MBD5: variants seen among roughly 807,000 people sequenced by gnomAD.
MBD5 encodes the protein methyl-CpG binding domain protein 5, also known as methyl-CpG-binding domain protein 5.
MBD5 carries 13 observed loss-of-function variants against 117.3 expected under a neutral mutation model. The observed-to-expected ratio is 0.11, with a 90% confidence interval of 0.07 to 0.18. The LOEUF (loss-of-function observed/expected upper bound fraction) is 0.18. Ranked by LOEUF, MBD5 falls within the 10% of genes least tolerant of loss-of-function variation. The pLI is 1.00. For synonymous variants in MBD5, 727 were observed against 766.4 expected (o/e 0.95, Z 0.85); for missense variants, 1,879 against 2,093.8 (o/e 0.90, Z 2.00).
intron 1 of MBD5, among the ~76,000 whole-genome samples, chr2:148,073,062 G>C (rs554121782): frequency 7.1e-4 from 108 of 152,010 alleles, no homozygotes; most frequent in African/African-American, 2.4e-3. Flanking sequence ...AACTGGCTGA[G>C]AATCCTTAGA....
chr2:148,064,263 C>G (rs1466999674), intron 1 of MBD5, among the ~76,000 whole-genome samples: 1 of 151,750 alleles, frequency 6.6e-6, no homozygotes, highest in Non-Finnish European at 1.5e-5. Flanking sequence ...CCACAGGTGC[C>G]CGCCACCACG....
intron 8 of MBD5, among the ~76,000 whole-genome samples, chr2:148,473,284 C>G (rs968173861): frequency 6.6e-6 from 1 of 152,020 alleles, no homozygotes; most frequent in Non-Finnish European, 1.5e-5. Flanking sequence ...ATTTGGTGAC[C>G]TTTCTTTTAA....
intron 3 of MBD5, among the ~76,000 whole-genome samples, chr2:148,331,305 C>A (rs765764038): frequency 1.8e-4 from 27 of 151,912 alleles, no homozygotes; most frequent in Non-Finnish European, 3.5e-4. Flanking sequence ...TCAAGACTTA[C>A]AACAGCAGTC....
At chr2:148,079,660 C>T (rs1055769281) in intron 1 of MBD5, among the ~76,000 whole-genome samples, 23 of 151,850 alleles carry the variant, frequency 1.5e-4, no homozygotes, top group Non-Finnish European at 2.8e-4. Context: ...AGTTTGAGAC[C>T]AGCCTGACCA....
intron 4 of MBD5, among the ~76,000 whole-genome samples, chr2:148,355,639 ATATC>A (rs1703363058): frequency 6.6e-6 from 1 of 152,050 alleles, no homozygotes; most frequent in Admixed American, 6.6e-5. Context: ...ATTGGTCTAT[ATATC>A]TGTTTTGGTA....
chr2:148,279,122 G>A (rs2106373391), intron 3 of MBD5, among the ~76,000 whole-genome samples: 1 of 152,104 alleles, frequency 6.6e-6, no homozygotes, highest in East Asian at 1.9e-4. Flanking sequence ...CACTGGGGCA[G>A]CCTAGTCATT....
chr2:148,136,548 G>C (rs1406460638), intron 1 of MBD5, among the ~76,000 whole-genome samples: 1 of 152,068 alleles, frequency 6.6e-6, no homozygotes, highest in Non-Finnish European at 1.5e-5. Context: ...AAAAATCTTT[G>C]GTCATATAGC....
intron 1 of MBD5, among the ~76,000 whole-genome samples, chr2:148,077,872 T>C (rs1695544319): frequency 6.6e-6 from 1 of 152,264 alleles, no homozygotes; most frequent in East Asian, 1.9e-4. Context: ...TACTCTCATA[T>C]TGACCATCAG....
chr2:148,036,318 G>A (rs1363366684), intron 1 of MBD5, among the ~76,000 whole-genome samples: 1 of 152,094 alleles, frequency 6.6e-6, no homozygotes, highest in East Asian at 1.9e-4. Flanking sequence ...TCCTTATTGA[G>A]AATTCAAACA....
intron 3 of MBD5, among the ~76,000 whole-genome samples, chr2:148,241,484 C>T (rs1170035931): frequency 6.6e-6 from 1 of 152,110 alleles, no homozygotes; most frequent in Non-Finnish European, 1.5e-5. Flanking sequence ...CCAGCTGTTA[C>T]TTTCCACTGG....
intron 4 of MBD5, among the ~76,000 whole-genome samples, chr2:148,392,021 T>C (rs1704583863): frequency 6.6e-6 from 1 of 152,204 alleles, no homozygotes; most frequent in South Asian, 2.1e-4. Context: ...AGCACATATG[T>C]AAATTTTTGT....
chr2:148,091,512 C>T (rs1695943109), intron 1 of MBD5, among the ~76,000 whole-genome samples: 1 of 152,114 alleles, frequency 6.6e-6, no homozygotes, highest in African/African-American at 2.4e-5. Context: ...CATATGCTTA[C>T]AGCCAACTGA....
intron 13 of MBD5, among the ~76,000 whole-genome samples, chr2:148,510,380 A>C (rs186718628): frequency 2.6e-5 from 4 of 152,388 alleles, no homozygotes; most frequent in Admixed American, 2.6e-4. Flanking sequence ...TTCGTTTAAA[A>C]TATGAGCAGC....
chr2:148,205,515 GGC>G (rs1305934497), intron 2 of MBD5, among the ~76,000 whole-genome samples: 1 of 152,110 alleles, frequency 6.6e-6, no homozygotes, highest in Non-Finnish European at 1.5e-5. Context: ...AAAGAAAAAG[GGC>G]AGAGTAATAG....
intron 3 of MBD5, among the ~76,000 whole-genome samples, chr2:148,282,058 TTTTTTTC>T (rs1298452240): frequency 6.6e-6 from 1 of 152,180 alleles, no homozygotes; most frequent in African/African-American, 2.4e-5. Flanking sequence ...AGTATCTTGA[TTTTTTTC>T]TTTACTATAT....
intron 4 of MBD5, chr2:148,346,849 G>C (rs1415321868): frequency 6.7e-6 from 1 of 149,706 alleles, no homozygotes; most frequent in Non-Finnish European, 1.5e-5. Context: ...CATGGCTTTT[G>C]GGTTTTGATG....
At chr2:148,155,596 C>T (rs977944667) in intron 1 of MBD5, among the ~76,000 whole-genome samples, 1 of 152,200 alleles carries the variant, frequency 6.6e-6, no homozygotes, top group African/African-American at 2.4e-5. Context: ...ATCCTTGATA[C>T]TTTTGCCTTC....
At chr2:148,122,783 T>C (rs914643521) in intron 1 of MBD5, among the ~76,000 whole-genome samples, 1 of 152,186 alleles carries the variant, frequency 6.6e-6, no homozygotes, top group African/African-American at 2.4e-5. Context: ...CGAATAATTA[T>C]GTTAAATGCA....
chr2:148,316,333 T>C (rs1179485656), intron 3 of MBD5, among the ~76,000 whole-genome samples: 3 of 152,228 alleles, frequency 2.0e-5, no homozygotes, highest in Admixed American at 6.5e-5. Flanking sequence ...ATATTCTTGA[T>C]ATTTGTATGA....
Sources: gnomAD v4.1 joint callset for allele counts (sites outside exome capture counted in the v4.1 genomes callset) on GRCh38, gnomAD v4.1.1 for gene constraint, MANE v1.5 for transcripts, NCBI Gene and HGNC (gene_info 2026-07-23, HGNC 2026-07-21) for gene names.